SHOC2: variants seen among roughly 807,000 people sequenced by gnomAD.
The protein encoded by SHOC2 is leucine-rich repeat protein SHOC-2.
Under a neutral mutation model 50.2 loss-of-function variants are expected in SHOC2, and 4 were observed. The observed-to-expected ratio is 0.08, with a 90% CI of 0.04 to 0.18. The LOEUF (loss-of-function observed/expected upper bound fraction) is 0.18. Ranked by LOEUF, SHOC2 falls within the 10% of genes least tolerant of loss-of-function variation. The pLI is 1.00. For synonymous variants in SHOC2, 218 were observed against 244.5 expected, an observed-to-expected ratio of 0.89 and a Z score of 1.01; for missense variants, 388 against 669.6, an observed-to-expected ratio of 0.58 and a Z score of 4.64.
At position 111,011,602 on chromosome 10, in the gene SHOC2, T is replaced by G; in HGVS notation, c.1541-8T>G. The G allele has an allele frequency of 6.2e-7, 1 of 1,607,928 alleles. No individual in the cohort carries two copies. The highest frequency in any genetic ancestry group is 8.5e-7 in the Non-Finnish European group (1 of 1,175,698). On this transcript the variant is annotated splice_region_variant and splice_polypyrimidine_tract_variant and intron_variant, in intron 8 of 8. Coordinates refer to ENST00000369452, the MANE Select transcript of SHOC2 (RefSeq NM_007373.4). ...TTTTAAAAAAAAATTGATTTTTTTT[T>G]TAAACAGGTACACTGGAGAACCTAG...
intron 3 of SHOC2, among the ~76,000 whole-genome samples, chr10:110,992,272 A>G (rs1436437312): frequency 1.3e-5 from 2 of 152,204 alleles, no homozygotes; most frequent in African/African-American, 2.4e-5. Flanking sequence ...GTTGCAGTTA[A>G]GTAAGAGAGT....
chr10:111,004,561 C>A, intron 4 of SHOC2, 45 bp from the exon 5 acceptor site: 1 of 1,399,438 alleles, frequency 7.1e-7, no homozygotes, highest in African/African-American at 1.4e-5. Flanking sequence ...AAAAATGAGT[C>A]TCATCACAGT....
intron 1 of SHOC2, among the ~76,000 whole-genome samples, chr10:110,926,464 C>A (rs980262696): frequency 6.6e-6 from 1 of 152,108 alleles, no homozygotes; most frequent in Admixed American, 6.5e-5. Context: ...TTTATTCTCA[C>A]GTAGTGCACA....
chr10:111,004,611 T>C lies in SHOC2; in HGVS notation c.978T>C (p.Leu326=), dbSNP rs766924851. 6.2e-7 allele frequency: 1 copy of C among 1,608,652 alleles called. No homozygotes were observed. Among genetic ancestry groups the C allele is most frequent in the South Asian group, 1.1e-5 (1 of 90,962 alleles). The change falls in exon 5 of 9, where the codon CTT becomes CTC. Residue 326 remains leucine, a synonymous_variant. Coordinates refer to ENST00000369452, the MANE Select transcript of SHOC2 (RefSeq NM_007373.4). ...TTATTTCATTTTTTTTACAGAGTCT[T>C]TTATCAAGTCTTGTGAAACTGAATA... The part of the protein sequence containing the change: ...NNNISTLPES[L]LSSLVKLNSL...
In SHOC2 at chr10:111,000,493, G is replaced by C. The variant is rs1848351785; in HGVS notation, c.920G>C (p.Ser307Thr). The change falls in exon 4 of 9, where the codon AGT becomes ACT. Residue 307 changes from serine (S) to threonine (T), a missense_variant. Physicochemically the swap from Ser to Thr is moderately conservative, Grantham distance 58. Transcript: ENST00000369452. Reference sequence around the variant, plus strand: ...ATACCCAGATCATTAGCAAAATGCAGTGCACTTGAAGAATTAAATTTAGAG... The same window carrying C: ...ATACCCAGATCATTAGCAAAATGCACTGCACTTGAAGAATTAAATTTAGAG... ...SAIPRSLAKC[S>T]ALEELNLENN... The C allele has an allele frequency of 6.2e-7, 1 of 1,611,946 alleles. No homozygotes were observed. Among genetic ancestry groups the C allele is most frequent in the African/African-American group, 1.3e-5 (1 of 74,860 alleles).
At chr10:110,993,766 T>C (rs1433472021) in intron 3 of SHOC2, among the ~76,000 whole-genome samples, 1 of 152,206 alleles carries the variant, frequency 6.6e-6, no homozygotes, top group Non-Finnish European at 1.5e-5. Flanking sequence ...ATTTCAAGAA[T>C]CTGGTTCTAT....
chr10:110,921,372 AAAAT>A (rs1846646988), intron 1 of SHOC2, among the ~76,000 whole-genome samples: 2 of 152,248 alleles, frequency 1.3e-5, no homozygotes, highest in African/African-American at 4.8e-5. Flanking sequence ...AAAATAGACA[AAAAT>A]AAACACAAAA....
At chr10:110,970,612 T>C (rs942608956) in intron 2 of SHOC2, among the ~76,000 whole-genome samples, 3 of 152,182 alleles carry the variant, frequency 2.0e-5, no homozygotes, top group African/African-American at 7.2e-5. Context: ...ACCTTCATAC[T>C]GTTTTCCATA....
chr10:110,961,581 T>A (rs971092882), intron 1 of SHOC2, among the ~76,000 whole-genome samples: 18 of 152,316 alleles, frequency 1.2e-4, no homozygotes, highest in Admixed American at 5.2e-4. Context: ...GTTATATTTC[T>A]TATGAGCTAT....
intron 3 of SHOC2, among the ~76,000 whole-genome samples, chr10:110,990,539 C>T (rs1848164067): frequency 2.0e-5 from 3 of 152,042 alleles, no homozygotes; most frequent in South Asian, 2.1e-4. Flanking sequence ...CGTGGAGAAC[C>T]TTTGTATCTA....
chr10:111,007,551 T>C lies in SHOC2; in HGVS notation c.1182T>C (p.Leu394=), dbSNP rs1443880304. 1 of 1,613,746 alleles carries C rather than the reference T, an allele frequency of 6.2e-7. No homozygotes were observed. The highest frequency in any genetic ancestry group is 2.2e-5 in the East Asian group (1 of 44,804). ...GCCAGGACAATCAGTTAACATCACT[T>C]CCCTTGGATTTTGGAACTTGGACCA... The part of the protein sequence containing the change: ...LNMKDNQLTS[L]PLDFGTWTSM... Residue 394 remains leucine, a synonymous_variant, in exon 6 of 9, where the codon CTT becomes CTC. Coordinates refer to ENST00000369452, the MANE Select transcript of SHOC2 (RefSeq NM_007373.4).
chr10:110,931,937 T>C (rs4918612), intron 1 of SHOC2, among the ~76,000 whole-genome samples: 80,352 of 151,968 alleles, frequency 0.53, 24,687 homozygotes, highest in Non-Finnish European at 0.69. Context: ...ACAACTAACC[T>C]GCCAAGTCTA....
At chr10:110,947,164 T>C (rs1193673041) in intron 1 of SHOC2, among the ~76,000 whole-genome samples, 3 of 152,170 alleles carry the variant, frequency 2.0e-5, no homozygotes, top group Non-Finnish European at 4.4e-5. Flanking sequence ...GAGAGTCAAG[T>C]GAGCCCCTAA....
intron 1 of SHOC2, among the ~76,000 whole-genome samples, chr10:110,947,803 T>A: frequency 1.4e-5 from 2 of 147,744 alleles, no homozygotes; most frequent in African/African-American, 2.5e-5. Context: ...AAGGAAAACA[T>A]TAAGAGAAGA....
chr10:110,965,632 A>T (rs1039787239), intron 2 of SHOC2, among the ~76,000 whole-genome samples: 27 of 152,166 alleles, frequency 1.8e-4, no homozygotes, highest in African/African-American at 6.0e-4. Context: ...AGGGTAGAAG[A>T]AACGTCACCT....
chr10:110,998,185 G>A (rs1198409639), intron 3 of SHOC2, among the ~76,000 whole-genome samples: 1 of 151,936 alleles, frequency 6.6e-6, no homozygotes, highest in Non-Finnish European at 1.5e-5. Flanking sequence ...TTTTAGTAGA[G>A]ATGGGGTTTC....
rs372920657 is a variant in SHOC2, at chr10:110,965,102, T to C, written c.703+41T>C. 1.2e-5 allele frequency: 19 copies of C among 1,561,730 alleles called. No homozygotes were observed. In the South Asian group the frequency reaches 1.4e-4, roughly 11 times the overall value. On this transcript the variant is annotated intron_variant, in intron 2 of 8. Coordinates refer to ENST00000369452, the MANE Select transcript of SHOC2 (RefSeq NM_007373.4). ...TTATTATTATTTGTAGTATTTGTTATGCTAAATAATTTTGAGTGCTTTCTC... is the reference window on the plus strand; with the variant it reads ...TTATTATTATTTGTAGTATTTGTTACGCTAAATAATTTTGAGTGCTTTCTC...
chr10:110,970,611 C>G (rs762909251), intron 2 of SHOC2, among the ~76,000 whole-genome samples: 1 of 151,872 alleles, frequency 6.6e-6, no homozygotes, highest in Non-Finnish European at 1.5e-5. Context: ...AACCTTCATA[C>G]TGTTTTCCAT....
chr10:110,993,347 T>C (rs1268423152), intron 3 of SHOC2, among the ~76,000 whole-genome samples: 2 of 152,230 alleles, frequency 1.3e-5, no homozygotes, highest in South Asian at 2.1e-4. Context: ...AGACTTCTGA[T>C]GTTTTCTTCT....
Sources: allele counts gnomAD v4.1 joint callset (sites outside exome capture counted in the v4.1 genomes callset), GRCh38; gene constraint gnomAD v4.1.1; transcripts MANE v1.5; gene names NCBI Gene and HGNC (gene_info 2026-07-23, HGNC 2026-07-21).